CCDC127: variants seen among roughly 807,000 people sequenced by gnomAD.
The protein encoded by CCDC127 is coiled-coil domain-containing protein 127.
In CCDC127, 2 loss-of-function variants were observed where a neutral mutation model predicts 4.1. That is an observed-to-expected ratio of 0.49 (90% CI 0.20 to 1.53). The LOEUF (loss-of-function observed/expected upper bound fraction) is 1.53. Ranked by LOEUF, CCDC127 falls within the 40% of genes most tolerant of loss-of-function variation. The probability of loss-of-function intolerance (pLI) is 0.23; values close to 1 mark genes in which losing one functional copy is unlikely to be tolerated. For synonymous variants in CCDC127, 98 were observed against 120.4 expected (o/e 0.81, Z 1.22); for missense variants, 271 against 322.9 (o/e 0.84, Z 1.23).
Position 204,698 on chromosome 5 carries a change from A to C in CCDC127, c.*599T>G, listed in dbSNP as rs1036650178. On this transcript the variant is annotated 3_prime_UTR_variant, in exon 3 of 3. Coordinates refer to ENST00000296824, the MANE Select transcript of CCDC127 (RefSeq NM_145265.3). ...CATTAGGTAACAACTGCATACAACAAACACACATTAGGTAACAACTGCATA... is the reference window on the plus strand; with the variant it reads ...CATTAGGTAACAACTGCATACAACACACACACATTAGGTAACAACTGCATA... 3 of 152,214 alleles carry C rather than the reference A, an allele frequency of 2.0e-5. No homozygotes were observed. The highest frequency in any genetic ancestry group is 6.5e-5 in the Admixed American group (1 of 15,276). The allele number at this position is 152,214 out of a possible 1,614,324, so 9.4% of individuals were successfully genotyped here.
Position 206,034 on chromosome 5 carries a change from G to C in CCDC127, c.122-76C>G, listed in dbSNP as rs575898899. 79 of 1,311,994 alleles carry C rather than the reference G, an allele frequency of 6.0e-5. No individual in the cohort carries two copies. The East Asian group carries it at 1.7e-3, about 28-fold the overall frequency. The allele number at this position is 1,311,994 out of a possible 1,614,324, so 81.3% of individuals were successfully genotyped here. A position where few individuals can be genotyped will look rare whatever the true frequency, so the allele number is the denominator to read the frequency against. On this transcript the variant is annotated intron_variant, in intron 2 of 2. Transcript: ENST00000296824. ...TCTATAATCCTCACTTAAATCATAA[G>C]GCAGCTAAGGATAGTGTTTCAGTAA...
chr5:201,848 GC>G lies in CCDC127; in HGVS notation c.*3448del, dbSNP rs905705239. On this transcript the variant is annotated 3_prime_UTR_variant, in exon 3 of 3. Transcript: ENST00000296824. ...ACTCCAGACAAGGATTACAGTGGCTGCCCCTCCTCCGCCCTGCAGCGAGCCC... is the reference window on the plus strand; with the variant it reads ...ACTCCAGACAAGGATTACAGTGGCTGCCCTCCTCCGCCCTGCAGCGAGCCC... 7 of 152,128 alleles carry G rather than the reference GC, an allele frequency of 4.6e-5. No homozygotes were observed. The highest frequency in any genetic ancestry group is 1.7e-4 in the African/African-American group (7 of 41,418). The allele number at this position is 152,128 out of a possible 1,614,324, so 9.4% of individuals were successfully genotyped here.
At chr5:217,873 A>G (rs2864963) in intron 1 of CCDC127, among the ~76,000 whole-genome samples, 112,901 of 152,204 alleles carry the variant, frequency 0.74, 42,347 homozygotes, top group African/African-American at 0.78. Flanking sequence ...AAACACACAC[A>G]ATTACAAAAT....
chr5:200,576 T>G lies in CCDC127; in HGVS notation c.*4721A>C, dbSNP rs1251648931. On this transcript the variant is annotated 3_prime_UTR_variant, in exon 3 of 3. Transcript: ENST00000296824. ...GGCCCCTGAGAGTCCCTTATTTGTCTTTCTGGTTCTTCTCTGACATCTAAC... is the reference window on the plus strand; with the variant it reads ...GGCCCCTGAGAGTCCCTTATTTGTCGTTCTGGTTCTTCTCTGACATCTAAC... The G allele has an allele frequency of 2.0e-5, 3 of 152,286 alleles. No homozygotes were observed. The highest frequency in any genetic ancestry group is 2.0e-4 in the Admixed American group (3 of 15,292). 9.4% of individuals were successfully genotyped at this position (152,286 alleles called of 1,614,324 possible).
chr5:197,866 C>G lies in CCDC127; in HGVS notation c.*7431G>C, dbSNP rs1321404090. ...CCCCCTCCCCGAGTGTGTCCCCACCCCAGGGGCCCCCATGTCACCCCACTC... is the reference window on the plus strand; with the variant it reads ...CCCCCTCCCCGAGTGTGTCCCCACCGCAGGGGCCCCCATGTCACCCCACTC... On this transcript the variant is annotated 3_prime_UTR_variant, in exon 3 of 3. Coordinates refer to ENST00000296824, the MANE Select transcript of CCDC127 (RefSeq NM_145265.3). The G allele has an allele frequency of 2.3e-5, 2 of 86,484 alleles. No individual in the cohort carries two copies. The highest frequency in any genetic ancestry group is 5.5e-5 in the Non-Finnish European group (2 of 36,690). 5.4% of individuals were successfully genotyped at this position (86,484 alleles called of 1,614,324 possible).
rs553898239 is a variant in CCDC127 at position 210,249 on chromosome 5, T to A, written c.122-4291A>T. 5.3e-5 allele frequency among the ~76,000 whole-genome samples: 8 copies of A among 152,332 alleles called. No individual in the cohort carries two copies. In the South Asian group the frequency reaches 1.7e-3, roughly 32 times the overall value. ...CTAGAGCTAGGCAGAATTCTTAGAC[T>A]TTCCACAAAAAGCATGGTTCATAAA... On this transcript the variant is annotated intron_variant, in intron 2 of 2. Coordinates refer to ENST00000296824, the MANE Select transcript of CCDC127 (RefSeq NM_145265.3).
intron 2 of CCDC127, chr5:215,761 G>C (rs1475066947): frequency 6.6e-6 from 1 of 152,166 alleles, no homozygotes; most frequent in Non-Finnish European, 1.5e-5. Flanking sequence ...AAAATGTATC[G>C]CTACAACTAG....
chr5:214,648 T>C (rs1213267862), intron 2 of CCDC127: 1 of 152,160 alleles, frequency 6.6e-6, no homozygotes, highest in African/African-American at 2.4e-5. Flanking sequence ...TATTCTCCCC[T>C]GGGAGCTACT....
chr5:217,411 T>C (rs1475729754), intron 1 of CCDC127: 6 of 153,942 alleles, frequency 3.9e-5, no homozygotes, highest in Non-Finnish European at 5.8e-5. Context: ...AGATTAGCAA[T>C]TGAACCTTTA....
intron 2 of CCDC127, among the ~76,000 whole-genome samples, chr5:213,745 T>C (rs1734323061): frequency 6.6e-6 from 1 of 152,210 alleles, no homozygotes; most frequent in African/African-American, 2.4e-5. Context: ...GCATTGCTGG[T>C]GAGAACCTAA....
At position 210,740 on chromosome 5, in the gene CCDC127, A is replaced by G. The variant is rs407844; in HGVS notation, c.122-4782T>C. On this transcript the variant is annotated intron_variant, in intron 2 of 2. Coordinates refer to ENST00000296824, the MANE Select transcript of CCDC127 (RefSeq NM_145265.3). ...TCAGGATGGGGCAGACGGGACAGCA[A>G]TGTGAGCACGCTGAGATGCTCGACA... Among the ~76,000 whole-genome samples, 177 of 112,616 alleles carry G rather than the reference A, an allele frequency of 1.6e-3. 1 individual carries two copies. The highest frequency in any genetic ancestry group is 5.7e-3 in the African/African-American group (150 of 26,352). 73.9% of individuals were successfully genotyped at this position (112,616 alleles called of 152,430 possible).
intron 2 of CCDC127, chr5:216,177 AGT>A (rs1238001231): frequency 2.0e-5 from 3 of 152,050 alleles, no homozygotes; most frequent in Admixed American, 6.4e-5. Flanking sequence ...CAGCCTCCTG[AGT>A]AGCTGGGACT....
At chr5:215,244 C>G (rs957150212) in intron 2 of CCDC127, 2 of 151,854 alleles carry the variant, frequency 1.3e-5, no homozygotes, top group Admixed American at 6.6e-5. Context: ...CTTAACAGTT[C>G]TCTCTGACCA....
chr5:210,760 T>G (rs1734270289), intron 2 of CCDC127, among the ~76,000 whole-genome samples: 1 of 136,472 alleles, frequency 7.3e-6, no homozygotes, highest in Non-Finnish European at 1.6e-5. Context: ...GCTGAGATGC[T>G]CGACATTGCA....
At chr5:210,068 G>A (rs1734249239) in intron 2 of CCDC127, among the ~76,000 whole-genome samples, 1 of 152,216 alleles carries the variant, frequency 6.6e-6, no homozygotes, top group African/African-American at 2.4e-5. Flanking sequence ...GCTCCAGCTA[G>A]TGCCGGAAGG....
At position 204,086 on chromosome 5, in the gene CCDC127, T is replaced by A. The variant is rs1212117731; in HGVS notation, c.*1211A>T. On this transcript the variant is annotated 3_prime_UTR_variant, in exon 3 of 3. Coordinates refer to ENST00000296824, the MANE Select transcript of CCDC127 (RefSeq NM_145265.3). ...GCAGGGGGTACCACATGACCAGCCC[T>A]TAGCAAAAGCCCCAGGTGCTGAGTC... 1.3e-5 allele frequency: 2 copies of A among 152,308 alleles called. No homozygotes were observed. Among genetic ancestry groups the A allele is most frequent in the Admixed American group, 1.3e-4 (2 of 15,292 alleles). 9.4% of individuals were successfully genotyped at this position (152,308 alleles called of 1,614,324 possible).
At position 197,128 on chromosome 5, in the gene CCDC127, A is replaced by G. The variant is rs957370136; in HGVS notation, c.*8169T>C. On this transcript the variant is annotated 3_prime_UTR_variant, in exon 3 of 3. Transcript: ENST00000296824. ...GCCAGATTTATGTTTCTCTCCACCC[A>G]AACATCTCAGCAGAGTAAAGAATAA... 7.9e-5 allele frequency: 12 copies of G among 152,172 alleles called. No individual in the cohort carries two copies. The highest frequency in any genetic ancestry group is 2.7e-4 in the African/African-American group (11 of 41,508). 9.4% of individuals were successfully genotyped at this position (152,172 alleles called of 1,614,324 possible).
Position 205,752 on chromosome 5 carries a change from C to T in CCDC127, c.328G>A (p.Gly110Arg). The T allele has an allele frequency of 6.2e-7, 1 of 1,614,136 alleles. No individual in the cohort carries two copies. Among genetic ancestry groups the T allele is most frequent in the South Asian group, 1.1e-5 (1 of 91,074 alleles). Reference sequence around the variant, plus strand: ...TTCTTTTCTTCTACCAACTTGCGTCCCTGAGAGATAAGGGCTTCTCGGTAA... The same window carrying T: ...TTCTTTTCTTCTACCAACTTGCGTCTCTGAGAGATAAGGGCTTCTCGGTAA... Reference protein sequence around the residue: ...ASYREALISQGRKLVEEKKLL... With the variant: ...ASYREALISQRRKLVEEKKLL... The change falls in exon 3 of 3, where the codon GGA becomes AGA. Residue 110 changes from glycine to arginine, a missense_variant. Gly to Arg is a moderately radical substitution (Grantham distance 125). Around this residue, in one of 2 missense-constraint regions of CCDC127, gnomAD observed 265 missense variants for 270.9 expected, o/e 0.98. Transcript: ENST00000296824.
intron 2 of CCDC127, among the ~76,000 whole-genome samples, chr5:210,947 C>A (rs1370388298): frequency 1.8e-4 from 13 of 70,660 alleles, no homozygotes; most frequent in Non-Finnish European, 2.3e-4. Context: ...CTCGACATCG[C>A]ACACTGCAGC....
Sources: gnomAD v4.1 joint callset for allele counts (sites outside exome capture counted in the v4.1 genomes callset) on GRCh38, gnomAD v4.1.1 for gene constraint, gnomAD v4.1.1 regional missense constraint, MANE v1.5 for transcripts, NCBI Gene and HGNC (gene_info 2026-07-23, HGNC 2026-07-21) for gene names.